Variants in CHN2 observed in about 807,000 individuals in gnomAD.
CHN2 encodes chimerin 2.
CHN2 carries 35 observed loss-of-function variants against 56.3 expected under a neutral mutation model. The ratio of observed to expected loss-of-function variants is 0.62; its 90% confidence interval spans 0.47 to 0.82. The LOEUF (loss-of-function observed/expected upper bound fraction) is 0.82. CHN2 is among the 40% of genes least tolerant of loss of function. The pLI is 0.00. For missense variants in CHN2, 491 were observed against 580.5 expected, an observed-to-expected ratio of 0.85 and a Z score of 1.58; for synonymous variants, 210 against 212.8, an observed-to-expected ratio of 0.99 and a Z score of 0.12.
At chr7:29,458,694 G>A (rs1784943753) in intron 6 of CHN2, among the ~76,000 whole-genome samples, 1 of 152,170 alleles carries the variant, frequency 6.6e-6, no homozygotes, top group Non-Finnish European at 1.5e-5. Flanking sequence ...CACCAAGTGT[G>A]TATGTAATAA....
intron 6 of CHN2, among the ~76,000 whole-genome samples, chr7:29,404,318 C>G (rs1189275469): frequency 6.6e-6 from 1 of 152,158 alleles, no homozygotes; most frequent in Non-Finnish European, 1.5e-5. Context: ...CATATGACAA[C>G]AGTGTTTTTG....
At chr7:29,254,986 G>GT (rs374456826) in intron 1 of CHN2, among the ~76,000 whole-genome samples, 60 of 152,284 alleles carry the variant, frequency 3.9e-4, no homozygotes, top group African/African-American at 1.4e-3. Context: ...CCAAGAGAGC[G>GT]TGCAGGTCAT....
chr7:29,381,853 C>T lies in CHN2; in HGVS notation c.145-11826C>T, dbSNP rs115021989. On this transcript the variant is annotated intron_variant, in intron 3 of 12. Transcript: ENST00000222792. ...AAAAAAAAAGCAGGGCCTAGGAGGG[C>T]GGACCAATTGTGGTTAGAAGGATAT... Among the ~76,000 whole-genome samples, 10 of 118,262 alleles carry T rather than the reference C, an allele frequency of 8.5e-5. No homozygotes were observed. The Admixed American group carries it at 1.0e-3, about 12-fold the overall frequency. The allele number at this position is 118,262 out of a possible 152,430, so 77.6% of individuals were successfully genotyped here. A position where few individuals can be genotyped will look rare whatever the true frequency, so the allele number is the denominator to read the frequency against.
intron 6 of CHN2, among the ~76,000 whole-genome samples, chr7:29,437,637 A>C (rs900724757): frequency 1.3e-5 from 2 of 151,766 alleles, no homozygotes; most frequent in Admixed American, 6.6e-5. Context: ...ATAATAGGCC[A>C]AAAACCTTAA....
intron 1 of CHN2, among the ~76,000 whole-genome samples, chr7:29,327,430 G>A (rs1055227120): frequency 1.1e-4 from 17 of 152,160 alleles, no homozygotes; most frequent in African/African-American, 3.9e-4. Context: ...TTTTGCTTCT[G>A]GAGAGTGCCG....
intron 1 of CHN2, among the ~76,000 whole-genome samples, chr7:29,256,376 A>G (rs554614994): frequency 6.6e-6 from 1 of 152,238 alleles, no homozygotes; most frequent in African/African-American, 2.4e-5. Context: ...ATCGATTTCA[A>G]GTGTTCTTTC....
At chr7:29,263,113 C>G (rs911676314) in intron 1 of CHN2, among the ~76,000 whole-genome samples, 2 of 152,216 alleles carry the variant, frequency 1.3e-5, no homozygotes, top group Non-Finnish European at 1.5e-5. Context: ...CATCTCGGCT[C>G]ACTGCAGCCT....
chr7:29,410,513 C>T (rs139221065), intron 6 of CHN2, among the ~76,000 whole-genome samples: 2 of 151,894 alleles, frequency 1.3e-5, no homozygotes, highest in South Asian at 2.1e-4. Context: ...GTCTGTGGGT[C>T]ATCTATTGGC....
At chr7:29,280,262 T>G (rs1791583977) in intron 1 of CHN2, among the ~76,000 whole-genome samples, 1 of 152,002 alleles carries the variant, frequency 6.6e-6, no homozygotes. Context: ...TGGGCGCCTG[T>G]AGTCCCAGCT....
intron 1 of CHN2, among the ~76,000 whole-genome samples, chr7:29,262,104 GT>G (rs1789602524): frequency 6.6e-6 from 1 of 152,162 alleles, no homozygotes; most frequent in African/African-American, 2.4e-5. Flanking sequence ...GAAGGCAGAG[GT>G]TGCAGTGAGC....
chr7:29,426,908 A>T (rs1316504605), intron 6 of CHN2, among the ~76,000 whole-genome samples: 2 of 151,912 alleles, frequency 1.3e-5, no homozygotes, highest in Non-Finnish European at 2.9e-5. Flanking sequence ...CTTCCTTCTC[A>T]CATGGTCCCT....
chr7:29,479,624 C>T, intron 6 of CHN2: 1 of 994,940 alleles, frequency 1.0e-6, no homozygotes, highest in Non-Finnish European at 1.2e-6. Context: ...TGTTGGAGCT[C>T]AGCCCAGGAT....
intron 3 of CHN2, among the ~76,000 whole-genome samples, chr7:29,380,335 T>C (rs1045000371): frequency 3.3e-5 from 5 of 152,108 alleles, no homozygotes; most frequent in East Asian, 1.9e-4. Context: ...AATACCTATA[T>C]AGAACATAAA....
Position 29,444,378 on chromosome 7 carries a change from G to T in CHN2, c.577-35901G>T, listed in dbSNP as rs1783886185. 2.6e-5 allele frequency among the ~76,000 whole-genome samples: 4 copies of T among 152,264 alleles called. No homozygotes were observed. In the South Asian group the frequency reaches 8.3e-4, roughly 32 times the overall value. On this transcript the variant is annotated intron_variant, in intron 6 of 12. Transcript: ENST00000222792. The stretch of plus-strand genomic sequence containing the variant: ...CACGTTGGCCAGGGCTTTCAGAGAT[G>T]GCTCATCTCTGTTCCACATGGTTTT...
At chr7:29,294,522 G>T (rs1012306623) in intron 1 of CHN2, among the ~76,000 whole-genome samples, 37 of 152,100 alleles carry the variant, frequency 2.4e-4, no homozygotes, top group African/African-American at 8.5e-4. Context: ...CCTTGTAACC[G>T]CAAGAAGATA....
chr7:29,478,560 A>G (rs962392924), intron 6 of CHN2, among the ~76,000 whole-genome samples: 2 of 152,190 alleles, frequency 1.3e-5, no homozygotes, highest in Non-Finnish European at 2.9e-5. Flanking sequence ...AGGCAGCAGG[A>G]CACAGTGTTG....
rs542223044 is a variant in CHN2 at position 29,212,216 on chromosome 7, C to T, written c.49+17226C>T. On this transcript the variant is annotated intron_variant, in intron 1 of 12. Coordinates refer to ENST00000222792, the MANE Select transcript of CHN2 (RefSeq NM_004067.4). ...GCTTCTGGAAGTCATATTTCTCTAA[C>T]ATCTTCCAGAAAAGTCTTAAAGCTG... 2.3e-5 allele frequency: 15 copies of T among 664,804 alleles called. 1 individual carries two copies. The South Asian group carries it at 2.5e-4, about 11-fold the overall frequency. The allele number at this position is 664,804 out of a possible 1,614,324, so 41.2% of individuals were successfully genotyped here.
intron 6 of CHN2, among the ~76,000 whole-genome samples, chr7:29,407,999 C>A (rs1052012086): frequency 6.6e-5 from 10 of 151,824 alleles, no homozygotes; most frequent in Non-Finnish European, 1.0e-4. Flanking sequence ...ACCAGCCTGG[C>A]CAACATGGTG....
intron 1 of CHN2, among the ~76,000 whole-genome samples, chr7:29,227,403 G>C (rs1786291637): frequency 6.6e-6 from 1 of 152,142 alleles, no homozygotes; most frequent in Non-Finnish European, 1.5e-5. Context: ...TTAAAGGTTT[G>C]TCTGCTGTCT....
Sources: allele counts gnomAD v4.1 joint callset (sites outside exome capture counted in the v4.1 genomes callset), GRCh38; gene constraint gnomAD v4.1.1; transcripts MANE v1.5; gene names NCBI Gene and HGNC (gene_info 2026-07-23, HGNC 2026-07-21).